The following PRKCA variants were observed in gnomAD, a reference collection of about 807,000 sequenced individuals.
The protein encoded by PRKCA is protein kinase C alpha type.
A neutral mutation model predicts 87.0 loss-of-function variants in PRKCA; 27 were observed. That is an observed-to-expected ratio of 0.31 (90% confidence interval 0.23 to 0.43). The LOEUF (loss-of-function observed/expected upper bound fraction) is 0.43. PRKCA is among the 20% of genes least tolerant of loss of function. The pLI is 1.00. For missense variants in PRKCA, 518 were observed against 852.3 expected, an observed-to-expected ratio of 0.61 and a Z score of 4.88; for synonymous variants, 329 against 311.1, an observed-to-expected ratio of 1.06 and a Z score of -0.61.
rs1567793184 is a variant in PRKCA at position 66,368,386 on chromosome 17, A to ATATAT, written c.205+62260_205+62261insATATT. ...TATGTATATATATATATATATATAT[A>ATATAT]TTTTTTTTTTTTTTTTTTTTTTTTT... On this transcript the variant is annotated intron_variant, in intron 2 of 16. Coordinates refer to ENST00000413366, the MANE Select transcript of PRKCA (RefSeq NM_002737.3). 6.0e-3 allele frequency among the ~76,000 whole-genome samples: 153 copies of ATATAT among 25,458 alleles called. 1 individual carries two copies. Among genetic ancestry groups the ATATAT allele is most frequent in the Non-Finnish European group, 9.7e-3 (132 of 13,590 alleles). The allele number at this position is 25,458 out of a possible 152,430, so 16.7% of individuals were successfully genotyped here. A position where few individuals can be genotyped will look rare whatever the true frequency, so the allele number is the denominator to read the frequency against.
At chr17:66,752,656 G>A (rs1277437925) in intron 13 of PRKCA, among the ~76,000 whole-genome samples, 1 of 152,210 alleles carries the variant, frequency 6.6e-6, no homozygotes, top group Non-Finnish European at 1.5e-5. Flanking sequence ...GACCCGGCAG[G>A]TGGACTCCTT....
chr17:66,409,211 G>T (rs2143731147), intron 2 of PRKCA, among the ~76,000 whole-genome samples: 1 of 152,206 alleles, frequency 6.6e-6, no homozygotes. Context: ...GGATGGGATG[G>T]AGGCAGGGGG....
chr17:66,520,645 G>A (rs1252974659), intron 3 of PRKCA, among the ~76,000 whole-genome samples: 1 of 151,518 alleles, frequency 6.6e-6, no homozygotes, highest in Admixed American at 6.6e-5. Flanking sequence ...AATGCAGTTA[G>A]CAACCATTTT....
intron 8 of PRKCA, among the ~76,000 whole-genome samples, chr17:66,716,460 G>A (rs554207226): frequency 2.0e-5 from 3 of 152,278 alleles, no homozygotes; most frequent in African/African-American, 4.8e-5. Context: ...CTCCCTGGTG[G>A]GAGAAAAACA....
intron 9 of PRKCA, 63 bp from the exon 10 acceptor site, chr17:66,735,426 C>T: frequency 6.3e-7 from 1 of 1,589,372 alleles, no homozygotes; most frequent in Non-Finnish European, 8.6e-7. Context: ...GGCCTGGTTC[C>T]TTCCCTCTGC....
At chr17:66,768,223 C>A (rs181367402) in intron 13 of PRKCA, among the ~76,000 whole-genome samples, 4 of 149,572 alleles carry the variant, frequency 2.7e-5, no homozygotes, top group African/African-American at 9.8e-5. Context: ...GGATTACAAG[C>A]GTGAGCCACC....
At chr17:66,382,584 C>T (rs1909823459) in intron 2 of PRKCA, among the ~76,000 whole-genome samples, 1 of 152,138 alleles carries the variant, frequency 6.6e-6, no homozygotes, top group African/African-American at 2.4e-5. Context: ...TACAGCAGGC[C>T]ACTGCGCCCA....
intron 5 of PRKCA, among the ~76,000 whole-genome samples, chr17:66,685,434 A>G (rs1272134147): frequency 1.3e-5 from 2 of 152,060 alleles, no homozygotes; most frequent in African/African-American, 2.4e-5. Context: ...GAGGTTAGAT[A>G]TTTTCTTAGG....
At chr17:66,784,049 G>A (rs1975313808) in intron 14 of PRKCA, among the ~76,000 whole-genome samples, 2 of 152,216 alleles carry the variant, frequency 1.3e-5, no homozygotes, top group Admixed American at 6.5e-5. Context: ...ATTTTGCACT[G>A]AGACTTGGAA....
chr17:66,596,543 T>C (rs1385600383), intron 3 of PRKCA, among the ~76,000 whole-genome samples: 2 of 151,124 alleles, frequency 1.3e-5, no homozygotes, highest in East Asian at 3.9e-4. Context: ...GTTCAGAATC[T>C]TTGTAGGAAA....
intron 2 of PRKCA, among the ~76,000 whole-genome samples, chr17:66,452,904 G>C (rs1369855338): frequency 6.6e-6 from 1 of 152,168 alleles, no homozygotes; most frequent in African/African-American, 2.4e-5. Context: ...CACATAACTA[G>C]AAATTATGAG....
intron 4 of PRKCA, 36 bp from the exon 5 acceptor site, chr17:66,645,347 T>C: frequency 6.2e-7 from 1 of 1,613,654 alleles, no homozygotes; most frequent in Non-Finnish European, 8.5e-7. Flanking sequence ...TTGGAGTCCA[T>C]ATGCCCAGCT....
In PRKCA at chr17:66,554,443, T is replaced by C. The variant is rs566955549; in HGVS notation, c.288+58160T>C. The C allele has an allele frequency of 6.1e-5, 37 of 605,198 alleles. No homozygotes were observed. The African/African-American group carries it at 6.7e-4, about 11-fold the overall frequency. 37.5% of individuals were successfully genotyped at this position (605,198 alleles called of 1,614,324 possible). On this transcript the variant is annotated intron_variant, in intron 3 of 16. Transcript: ENST00000413366. The stretch of plus-strand genomic sequence containing the variant: ...CGCTATGACACGTTTCTTGTTCCCA[T>C]TGGGGCCTGTGTTTCAAACTTTGGG...
At position 66,809,063 on chromosome 17, in the gene PRKCA, C is replaced by T. The variant is rs937192730; in HGVS notation, c.*5026C>T. ...AGCTGCTTGGGCTACATGTGAAATACACTGGACGGTCAACATTCCTGTCTC... is the reference window on the plus strand; with the variant it reads ...AGCTGCTTGGGCTACATGTGAAATATACTGGACGGTCAACATTCCTGTCTC... On this transcript the variant is annotated 3_prime_UTR_variant, in exon 17 of 17. Transcript: ENST00000413366. 6.6e-6 allele frequency: 1 copy of T among 152,186 alleles called. No homozygotes were observed. The highest frequency in any genetic ancestry group is 6.5e-5 in the Admixed American group (1 of 15,282). 9.4% of individuals were successfully genotyped at this position (152,186 alleles called of 1,614,324 possible).
At chr17:66,699,613 G>A (rs137900201) in intron 8 of PRKCA, among the ~76,000 whole-genome samples, 2 of 152,312 alleles carry the variant, frequency 1.3e-5, no homozygotes, top group African/African-American at 4.8e-5. Context: ...TAAGAGACAA[G>A]GTCTCGCTCT....
At chr17:66,409,142 G>T (rs1483826750) in intron 2 of PRKCA, among the ~76,000 whole-genome samples, 1 of 151,824 alleles carries the variant, frequency 6.6e-6, no homozygotes, top group Non-Finnish European at 1.5e-5. Context: ...GTAAAGGCTT[G>T]AGGGAGTTTA....
intron 3 of PRKCA, among the ~76,000 whole-genome samples, chr17:66,628,680 T>G (rs1970925172): frequency 6.6e-6 from 1 of 152,192 alleles, no homozygotes; most frequent in Non-Finnish European, 1.5e-5. Context: ...TACCATAAAC[T>G]GCACATTTCG....
At chr17:66,544,100 T>A (rs1968075964) in intron 3 of PRKCA, among the ~76,000 whole-genome samples, 1 of 152,030 alleles carries the variant, frequency 6.6e-6, no homozygotes, top group African/African-American at 2.4e-5. Flanking sequence ...CTGTAGTCCC[T>A]GCTACTGGGG....
chr17:66,597,857 GT>G (rs1449594905), intron 3 of PRKCA, among the ~76,000 whole-genome samples: 1 of 72,276 alleles, frequency 1.4e-5, no homozygotes, highest in Non-Finnish European at 2.5e-5. Flanking sequence ...CCCATTGCTT[GT>G]TTTTCTCAGG....
Sources: allele counts gnomAD v4.1 joint callset (sites outside exome capture counted in the v4.1 genomes callset), GRCh38; gene constraint gnomAD v4.1.1; transcripts MANE v1.5; gene names NCBI Gene and HGNC (gene_info 2026-07-23, HGNC 2026-07-21).